The following ELAC2 variants were observed in gnomAD, a reference collection of about 807,000 sequenced individuals.
The protein encoded by ELAC2 is zinc phosphodiesterase ELAC protein 2.
A neutral mutation model predicts 105.2 loss-of-function variants in ELAC2; 92 were observed. The observed-to-expected ratio is 0.87, with a 90% CI of 0.74 to 1.04. The LOEUF is 1.04. Ranked by LOEUF, ELAC2 falls within the 50% of genes least tolerant of loss-of-function variation. The pLI is 0.00. For missense variants in ELAC2, 1,099 were observed against 1,071.7 expected (o/e 1.03, Z -0.36); for synonymous variants, 468 against 409.1 (o/e 1.14, Z -1.74).
At position 13,016,950 on chromosome 17, in the gene ELAC2, T is replaced by C; in HGVS notation, c.297-18A>G. On this transcript the variant is annotated intron_variant, in intron 2 of 23. Transcript: ENST00000338034. ...CCTTTAACCTAAGAATGAAAAAACA[T>C]TTAAACAGGATAACATGAACAGAAC... 6.2e-7 allele frequency: 1 copy of C among 1,613,680 alleles called. No homozygotes were observed. The highest frequency in any genetic ancestry group is 8.5e-7 in the Non-Finnish European group (1 of 1,179,808).
intron 19 of ELAC2, 43 bp from the exon 20 acceptor site, chr17:12,995,105 T>G (rs148056623): frequency 5.6e-6 from 9 of 1,602,724 alleles, no homozygotes; most frequent in Non-Finnish European, 6.8e-6. Flanking sequence ...AAACGTTTCT[T>G]GGACATCTGG....
At chr17:13,005,146 C>T in intron 10 of ELAC2, 45 bp from the exon 11 acceptor site, 1 of 1,384,604 alleles carries the variant, frequency 7.2e-7, no homozygotes, top group East Asian at 2.3e-5. Context: ...ACAGCTCAGC[C>T]ACCAAACTGA....
intron 5 of ELAC2, 149 bp downstream of exon 5, chr17:13,014,290 C>CA (rs959230890): frequency 0.12 from 43,411 of 361,930 alleles, 582 homozygotes; most frequent in African/African-American, 0.14. Context: ...AGACTCTATC[C>CA]AAAAAAAAAA....
intron 11 of ELAC2, among the ~76,000 whole-genome samples, chr17:13,004,327 C>A (rs1422505252): frequency 6.6e-6 from 1 of 151,512 alleles, no homozygotes; most frequent in African/African-American, 2.4e-5. Flanking sequence ...TACAGCAGCC[C>A]AAAAGGATTT....
intron 14 of ELAC2, chr17:13,000,822 C>A: frequency 5.8e-6 from 1 of 172,814 alleles, no homozygotes. Context: ...GGACAGGCGG[C>A]TCTTCAACCT....
chr17:13,001,218 G>T (rs184507333), intron 14 of ELAC2, among the ~76,000 whole-genome samples: 1 of 152,136 alleles, frequency 6.6e-6, no homozygotes, highest in Non-Finnish European at 1.5e-5. Context: ...AAAACAGGCC[G>T]GGCACGGCTC....
At chr17:12,995,213 A>T in intron 19 of ELAC2, 151 bp from the exon 20 acceptor site, 1 of 890,086 alleles carries the variant, frequency 1.1e-6, no homozygotes, top group East Asian at 2.6e-5. Context: ...ACAGCAGTCA[A>T]ATATAAAGAG....
chr17:13,017,178 A>C, intron 1 of ELAC2, 57 bp from the exon 2 acceptor site: 2 of 1,454,828 alleles, frequency 1.4e-6, no homozygotes, highest in Non-Finnish European at 1.9e-6. Flanking sequence ...AAACTCTCTG[A>C]CACCAATTAG....
At chr17:13,001,957 A>G (rs2040832902) in intron 14 of ELAC2, among the ~76,000 whole-genome samples, 1 of 152,212 alleles carries the variant, frequency 6.6e-6, no homozygotes, top group Admixed American at 6.5e-5. Flanking sequence ...TATTTTCTAT[A>G]CTGTGAAACA....
chr17:13,004,578 C>A (rs531995562), intron 11 of ELAC2, among the ~76,000 whole-genome samples: 1 of 152,150 alleles, frequency 6.6e-6, no homozygotes, highest in Non-Finnish European at 1.5e-5. Flanking sequence ...TCCCATAACA[C>A]GGACTCTTGA....
chr17:13,004,863 CGGCCTCTGAA>C, intron 11 of ELAC2, 116 bp downstream of exon 11: 1 of 807,794 alleles, frequency 1.2e-6, no homozygotes, highest in South Asian at 1.3e-5. Flanking sequence ...GCAGGAGTGC[CGGCCTCTGAA>C]CTGTAAACCC....
At position 13,017,726 on chromosome 17, in the gene ELAC2, G is replaced by A. The variant is rs373242425; in HGVS notation, c.222C>T (p.Leu74=). 3 of 1,612,734 alleles carry A rather than the reference G, an allele frequency of 1.9e-6. No individual in the cohort carries two copies. Among genetic ancestry groups the A allele is most frequent in the Non-Finnish European group, 2.5e-6 (3 of 1,179,726 alleles). ...AAGSRDSGAA[L]YVFSEFNRYL... is the part of the protein sequence containing the mutation. ...ACCGGTTGAACTCGGAGAAGACGTA[G>A]AGCGCGGCGCCCGAGTCCCGGCTAC... The change falls in exon 1 of 24, where the codon CTC becomes CTT. Residue 74 remains leucine, a synonymous_variant. Transcript: ENST00000338034.
chr17:13,012,933 A>C lies in ELAC2; in HGVS notation c.559+274T>G, dbSNP rs117360515. Among the ~76,000 whole-genome samples the C allele has an allele frequency of 2.6e-4, 40 of 152,330 alleles. No individual in the cohort carries two copies. The East Asian group carries it at 7.0e-3, about 26-fold the overall frequency. On this transcript the variant is annotated intron_variant, in intron 6 of 23. Coordinates refer to ENST00000338034, the MANE Select transcript of ELAC2 (RefSeq NM_018127.7). ...GCCTGTGGGAAAAAACCTCCAAGCA[A>C]TGAATGTGCAAACTTGAATGCAATC... is the stretch of plus-strand genomic sequence containing the variant.
chr17:13,011,522 G>T, intron 7 of ELAC2, 141 bp downstream of exon 7: 2 of 1,409,220 alleles, frequency 1.4e-6, no homozygotes, highest in Non-Finnish European at 9.9e-7. Flanking sequence ...CCCCCAACGG[G>T]CCAAGTTATA....
chr17:12,997,782 T>G (rs1479455617), intron 16 of ELAC2, among the ~76,000 whole-genome samples: 2 of 152,232 alleles, frequency 1.3e-5, no homozygotes, highest in African/African-American at 4.8e-5. Flanking sequence ...AATCTTATTT[T>G]CTTCACATAC....
Position 12,995,959 on chromosome 17 carries a change from A to T in ELAC2, c.1679T>A (p.Leu560Gln). Residue 560 changes from leucine to glutamine, a missense_variant, in exon 18 of 24, where the codon CTG becomes CAG. By Grantham distance (113) the Leu-to-Gln change is moderately radical (BLOSUM62 -2). Coordinates refer to ENST00000338034, the MANE Select transcript of ELAC2 (RefSeq NM_018127.7). ...DHHTGLPSIL[L>Q]QRERALASLG... ...ACTTACCAAGGCGCGTTCTCTCTGC[A>T]GCAAGATACTTGGCAAGCCCTGGCA... The T allele has an allele frequency of 6.3e-7, 1 of 1,597,008 alleles. No individual in the cohort carries two copies. The highest frequency in any genetic ancestry group is 8.5e-7 in the Non-Finnish European group (1 of 1,170,452).
At chr17:13,000,316 A>C (rs761308485) in intron 14 of ELAC2, 42 bp from the exon 15 acceptor site, 1 of 1,571,940 alleles carries the variant, frequency 6.4e-7, no homozygotes, top group Non-Finnish European at 8.8e-7. Context: ...CGGACAGGGT[A>C]TATGGCCTCA....
intron 3 of ELAC2, among the ~76,000 whole-genome samples, chr17:13,016,548 G>A (rs983071965): frequency 6.6e-6 from 1 of 151,958 alleles, no homozygotes. Context: ...ACTCTGGGAG[G>A]CCGAGACAGG....
chr17:13,005,807 A>G lies in ELAC2; in HGVS notation c.816T>C (p.Ala272=), dbSNP rs753960246. 4 of 1,614,018 alleles carry G rather than the reference A, an allele frequency of 2.5e-6. No homozygotes were observed. The part of the protein sequence containing the change: ...MGLPVGTAAI[A]PIIAAVKDGK... ...CGTCCTTGACAGCAGCAATGATGGG[A>G]GCGATGGCAGCTGTCCCACTGAAAT... The change falls in exon 10 of 24, where the codon GCT becomes GCC. Residue 272 remains alanine, a synonymous_variant. Coordinates refer to ENST00000338034, the MANE Select transcript of ELAC2 (RefSeq NM_018127.7).
Sources: gnomAD v4.1 joint callset for allele counts (sites outside exome capture counted in the v4.1 genomes callset) on GRCh38, gnomAD v4.1.1 for gene constraint, MANE v1.5 for transcripts, NCBI Gene and HGNC (gene_info 2026-07-23, HGNC 2026-07-21) for gene names.